Variants in SMN1 observed in about 807,000 individuals in gnomAD.
SMN1 encodes the protein survival of motor neuron 1, telomeric.
For missense variants in SMN1, 15 were observed against 17.1 expected, an observed-to-expected ratio of 0.88 and a Z score of 0.22; for synonymous variants, 3 against 5.1, an observed-to-expected ratio of 0.58 and a Z score of 0.56.
At chr5:70,955,287 T>G (rs1479890948), downstream of SMN1, among the ~76,000 whole-genome samples, 2 of 144,810 alleles carry the variant, frequency 1.4e-5, no homozygotes, top group African/African-American at 5.0e-5. Context: ...TTTTTTTTTT[T>G]TTGGTAGTGA....
chr5:70,950,246 T>C (rs1580892432), intron 7 of SMN1, among the ~76,000 whole-genome samples: 1 of 144,592 alleles, frequency 6.9e-6, no homozygotes, highest in African/African-American at 2.6e-5. Context: ...GGAGAAACCC[T>C]GTCTCTACTA....
At position 70,945,875 on chromosome 5, in the gene SMN1, C is replaced by T. The variant is rs1233203678; in HGVS notation, c.724-191C>T. Among the ~76,000 whole-genome samples the T allele has an allele frequency of 2.6e-3, 21 of 8,176 alleles. No homozygotes were observed. The East Asian group carries it at 0.05, about 19-fold the overall frequency. The allele number at this position is 8,176 out of a possible 152,430, so 5.4% of individuals were successfully genotyped here. A position where few individuals can be genotyped will look rare whatever the true frequency, so the allele number is the denominator to read the frequency against. On this transcript the variant is annotated intron_variant, in intron 6 of 8. Transcript: ENST00000380707. ...GGCTGAGGCAGGAGGATCACTTGAGCTCAGGAGTTTGAGACCAGTCTGGGC... is the reference window on the plus strand; with the variant it reads ...GGCTGAGGCAGGAGGATCACTTGAGTTCAGGAGTTTGAGACCAGTCTGGGC...
At chr5:70,955,643 G>A (rs944149482), downstream of SMN1, among the ~76,000 whole-genome samples, 9 of 146,148 alleles carry the variant, frequency 6.2e-5, no homozygotes, top group East Asian at 2.0e-4. Flanking sequence ...AAATTAGCTC[G>A]GCATGGTGGT....
intron 7 of SMN1, among the ~76,000 whole-genome samples, chr5:70,951,016 G>A (rs1184636847): frequency 1.3e-5 from 2 of 151,862 alleles, no homozygotes; most frequent in African/African-American, 4.8e-5. Context: ...CAGGTGATCC[G>A]CCCGCCTTGG....
chr5:70,943,439 C>T (rs1447856938), intron 5 of SMN1, among the ~76,000 whole-genome samples: 2 of 2,024 alleles, frequency 9.9e-4, no homozygotes, highest in South Asian at 0.019. Context: ...GAATGAGACT[C>T]CATCTCAAAC....
chr5:70,956,842 A>G (rs1470753834), downstream of SMN1, among the ~76,000 whole-genome samples: 9 of 144,150 alleles, frequency 6.2e-5, no homozygotes, highest in East Asian at 2.1e-4. Flanking sequence ...GTTTTTTCCA[A>G]TTCTGTGAAG....
Position 70,952,474 on chromosome 5 carries a change from CT to C in SMN1, c.*40del, listed in dbSNP as rs775678509. On this transcript the variant is annotated 3_prime_UTR_variant, in exon 9 of 9. Coordinates refer to ENST00000380707, the MANE Select transcript of SMN1 (RefSeq NM_000344.4). ...CATAGAGCAGCACTAAATGACACCA[CT>C]AAAGAAACGATCAGACAGATCTGGA... 1 of 605,938 alleles carries C rather than the reference CT, an allele frequency of 1.7e-6. No individual in the cohort carries two copies. Among genetic ancestry groups the C allele is most frequent in the South Asian group, 2.0e-5 (1 of 50,740 alleles). The allele number at this position is 605,938 out of a possible 1,614,324, so 37.5% of individuals were successfully genotyped here. A position where few individuals can be genotyped will look rare whatever the true frequency, so the allele number is the denominator to read the frequency against.
chr5:70,959,336 G>A, the SMN1 span, among the ~76,000 whole-genome samples: 100 of 148,854 alleles, frequency 6.7e-4, no homozygotes, highest in African/African-American at 2.4e-3. Flanking sequence ...CAGCACACCA[G>A]CATGGCACAT....
At chr5:70,964,143 C>T in the SMN1 span, among the ~76,000 whole-genome samples, 1 of 125,158 alleles carries the variant, frequency 8.0e-6, no homozygotes, top group Non-Finnish European at 1.7e-5. Context: ...ACCTCGACCT[C>T]CCAAAGTGCT....
At chr5:70,960,507 G>A in the SMN1 span, among the ~76,000 whole-genome samples, 2 of 145,376 alleles carry the variant, frequency 1.4e-5, no homozygotes, top group African/African-American at 5.1e-5. Flanking sequence ...TCACATTTTT[G>A]TGCCTTCTGT....
chr5:70,950,640 TTTTG>T (rs1749673769), intron 7 of SMN1, among the ~76,000 whole-genome samples: 1 of 129,314 alleles, frequency 7.7e-6, no homozygotes, highest in Non-Finnish European at 1.7e-5. Flanking sequence ...TTGTTTTGTT[TTTTG>T]TTTTTTTTTT....
At chr5:70,950,377 A>G (rs1159980168) in intron 7 of SMN1, among the ~76,000 whole-genome samples, 1 of 148,228 alleles carries the variant, frequency 6.7e-6, no homozygotes, top group African/African-American at 2.5e-5. Flanking sequence ...AGATTGCACC[A>G]TTGCACTCCA....
At chr5:70,945,385 C>T (rs978734291) in intron 6 of SMN1, among the ~76,000 whole-genome samples, 1 of 16,350 alleles carries the variant, frequency 6.1e-5, no homozygotes, top group Non-Finnish European at 9.9e-5. Context: ...CTTGGCCTCC[C>T]AAAGCGCTGG....
the SMN1 span, among the ~76,000 whole-genome samples, chr5:70,963,904 A>G: frequency 1.9e-5 from 1 of 51,300 alleles, no homozygotes; most frequent in South Asian, 7.3e-4. Flanking sequence ...TTTTTTTTTG[A>G]GACGGAGTCT....
At chr5:70,951,127 T>C (rs912250996) in intron 7 of SMN1, among the ~76,000 whole-genome samples, 1 of 151,694 alleles carries the variant, frequency 6.6e-6, no homozygotes. Flanking sequence ...CAGGTCTCAC[T>C]CTATTGCTCA....
At chr5:70,952,289 CTTTTTT>C (rs1229623735) in intron 8 of SMN1, 144 bp from the exon 9 acceptor site, 1 of 1,383,482 alleles carries the variant, frequency 7.2e-7, no homozygotes, top group African/African-American at 1.5e-5. Context: ...GACCAGCAGA[CTTTTTT>C]TTATTGTGAT....
chr5:70,943,973 A>G (rs1234029208), intron 5 of SMN1, among the ~76,000 whole-genome samples: 7 of 140,280 alleles, frequency 5.0e-5, no homozygotes, highest in African/African-American at 1.8e-4. Flanking sequence ...TTTTTAGTAG[A>G]GATGGGGTTT....
the SMN1 span, among the ~76,000 whole-genome samples, chr5:70,959,278 G>T: frequency 6.7e-6 from 1 of 150,030 alleles, no homozygotes; most frequent in African/African-American, 2.4e-5. Flanking sequence ...AATGGGGAGG[G>T]ATAGCATTAG....
At position 70,951,983 on chromosome 5, in the gene SMN1, T is replaced by C; in HGVS notation, c.877T>C (p.Leu293=). The C allele has an allele frequency of 6.2e-7, 1 of 1,613,072 alleles. No homozygotes were observed. Among genetic ancestry groups the C allele is most frequent in the Non-Finnish European group, 8.5e-7 (1 of 1,179,384 alleles). The change falls in exon 8 of 9, where the codon TTA becomes CTA. Residue 293 remains leucine, a synonymous_variant. Transcript: ENST00000380707. The part of the protein sequence containing the change: ...NQKEGRCSHS[L]N ...AAAAGAAGGAAGGTGCTCACATTCC[T>C]TAAATTAAGGAGTAAGTCTGCCAGC...
Sources: gnomAD v4.1 joint callset for allele counts (sites outside exome capture counted in the v4.1 genomes callset) on GRCh38, gnomAD v4.1.1 for gene constraint, MANE v1.5 for transcripts, NCBI Gene and HGNC (gene_info 2026-07-23, HGNC 2026-07-21) for gene names.